Variants in SRPK2 observed in about 807,000 individuals in gnomAD.
SRPK2 encodes the protein SFRS protein kinase 2.
Under a neutral mutation model 90.8 loss-of-function variants are expected in SRPK2, and 21 were observed. That is an observed-to-expected ratio of 0.23 (90% CI 0.16 to 0.33). SRPK2 has a LOEUF of 0.33. Ranked by LOEUF, SRPK2 falls within the 10% of genes least tolerant of loss-of-function variation. SRPK2 has a pLI of 1.00. For synonymous variants in SRPK2, 288 were observed against 311.1 expected (o/e 0.93, Z 0.78); for missense variants, 620 against 869.0 (o/e 0.71, Z 3.60).
At chr7:105,227,269 T>G (rs982255375) in intron 2 of SRPK2, among the ~76,000 whole-genome samples, 2 of 152,160 alleles carry the variant, frequency 1.3e-5, no homozygotes, top group Non-Finnish European at 2.9e-5. Flanking sequence ...ATCTGTGAGA[T>G]CCTAATGCAT....
intron 2 of SRPK2, among the ~76,000 whole-genome samples, chr7:105,387,273 ATCCTAAACATTACAGTTC>A (rs1821718844): frequency 6.6e-6 from 1 of 152,224 alleles, no homozygotes; most frequent in Admixed American, 6.6e-5. Context: ...CTTATTCAGA[ATCCTAAACATTACAGTTC>A]TCCTTACCAC....
chr7:105,378,048 T>C, intron 2 of SRPK2, among the ~76,000 whole-genome samples: 1 of 152,060 alleles, frequency 6.6e-6, no homozygotes, highest in East Asian at 1.9e-4. Flanking sequence ...TCGTTTGACT[T>C]CCTCAGAGCC....
chr7:105,360,409 C>T (rs183801424), intron 2 of SRPK2, among the ~76,000 whole-genome samples: 221 of 152,268 alleles, frequency 1.5e-3, no homozygotes, highest in African/African-American at 5.0e-3. Context: ...TGAATCTGAT[C>T]CTGTCATTAT....
chr7:105,150,339 C>T (rs368168104), intron 7 of SRPK2, among the ~76,000 whole-genome samples: 4 of 151,966 alleles, frequency 2.6e-5, no homozygotes, highest in African/African-American at 7.3e-5. Flanking sequence ...GCCAACATGG[C>T]GAAACCCTGT....
intron 14 of SRPK2, 68 bp downstream of exon 14, chr7:105,126,925 G>A (rs971996442): frequency 4.1e-6 from 6 of 1,464,392 alleles, no homozygotes; most frequent in Admixed American, 3.5e-5. Flanking sequence ...CAAAAATACA[G>A]TACTCTACAG....
At chr7:105,198,954 G>A (rs1358258049) in intron 3 of SRPK2, among the ~76,000 whole-genome samples, 1 of 152,156 alleles carries the variant, frequency 6.6e-6, no homozygotes, top group Non-Finnish European at 1.5e-5. Flanking sequence ...AACGCGAGTA[G>A]GAACATGGCT....
At chr7:105,337,242 A>G (rs1469015577) in intron 2 of SRPK2, among the ~76,000 whole-genome samples, 1 of 151,996 alleles carries the variant, frequency 6.6e-6, no homozygotes, top group Non-Finnish European at 1.5e-5. Flanking sequence ...CCCCAGTGTG[A>G]TATCTGAAGG....
At chr7:105,163,127 A>G (rs1199442168) in intron 6 of SRPK2, among the ~76,000 whole-genome samples, 2 of 152,246 alleles carry the variant, frequency 1.3e-5, no homozygotes, top group African/African-American at 4.8e-5. Context: ...CAAAAAGTCT[A>G]TGGAAAATGT....
intron 2 of SRPK2, among the ~76,000 whole-genome samples, chr7:105,274,302 C>T (rs1343762482): frequency 1.3e-5 from 2 of 152,152 alleles, no homozygotes; most frequent in Admixed American, 6.5e-5. Flanking sequence ...TGGCTCATGC[C>T]TGTAATCCCA....
intron 7 of SRPK2, among the ~76,000 whole-genome samples, chr7:105,155,121 T>A (rs1474373802): frequency 4.6e-5 from 7 of 151,780 alleles, no homozygotes; most frequent in Non-Finnish European, 5.9e-5. Flanking sequence ...GCTGGAACTA[T>A]ATGTATGTGC....
At chr7:105,394,476 A>G (rs375820728) in intron 1 of SRPK2, among the ~76,000 whole-genome samples, 1 of 152,178 alleles carries the variant, frequency 6.6e-6, no homozygotes, top group East Asian at 1.9e-4. Context: ...GCCTAACATT[A>G]AAACCCATTT....
At chr7:105,202,683 C>T (rs1585158312) in intron 3 of SRPK2, among the ~76,000 whole-genome samples, 1 of 152,162 alleles carries the variant, frequency 6.6e-6, no homozygotes, top group Non-Finnish European at 1.5e-5. Context: ...CTGTGTCTTC[C>T]GTGAAATCAT....
At chr7:105,328,958 A>T (rs1395332499) in intron 2 of SRPK2, among the ~76,000 whole-genome samples, 1 of 151,970 alleles carries the variant, frequency 6.6e-6, no homozygotes, top group Non-Finnish European at 1.5e-5. Context: ...ACGTGGGAGG[A>T]TCACCTGAGG....
chr7:105,247,948 G>A (rs543802851), intron 2 of SRPK2, among the ~76,000 whole-genome samples: 54 of 151,192 alleles, frequency 3.6e-4, no homozygotes, highest in Non-Finnish European at 6.6e-4. Context: ...TCCACCTCCC[G>A]GGTTCAAGCG....
At chr7:105,313,928 T>A (rs947094218) in intron 2 of SRPK2, among the ~76,000 whole-genome samples, 3 of 152,040 alleles carry the variant, frequency 2.0e-5, no homozygotes, top group Admixed American at 2.0e-4. Context: ...CTAATTAATA[T>A]AAAAGGGCAA....
intron 2 of SRPK2, among the ~76,000 whole-genome samples, chr7:105,297,097 C>T (rs1028364920): frequency 1.1e-4 from 16 of 152,170 alleles, no homozygotes; most frequent in African/African-American, 3.4e-4. Context: ...GGACAATACT[C>T]TAGGGAATTG....
At chr7:105,114,887 C>CAACA (rs1318494011), downstream of SRPK2, among the ~76,000 whole-genome samples, 2 of 152,086 alleles carry the variant, frequency 1.3e-5, no homozygotes, top group East Asian at 3.8e-4. Flanking sequence ...TCAATTTGTC[C>CAACA]AACAAAATTC....
At position 105,121,389 on chromosome 7, in the gene SRPK2, G is replaced by A. The variant is rs3054324; in HGVS notation, c.1916-3367C>T. Among the ~76,000 whole-genome samples the A allele has an allele frequency of 5.9e-3, 566 of 96,378 alleles. 16 individuals are homozygous for A. In the East Asian group the frequency reaches 0.072, roughly 12 times the overall value. 63.2% of individuals were successfully genotyped at this position (96,378 alleles called of 152,430 possible). A position where few individuals can be genotyped will look rare whatever the true frequency, so the allele number is the denominator to read the frequency against. ...ATATATGAAGACGTAAAAAAAAAAA[G>A]AGAGAAAAGAAAATATATGAAGATG... On this transcript the variant is annotated intron_variant, in intron 15 of 15. Coordinates refer to ENST00000393651, the MANE Select transcript of SRPK2 (RefSeq NM_182692.3).
intron 2 of SRPK2, among the ~76,000 whole-genome samples, chr7:105,258,687 C>T (rs1273113487): frequency 6.6e-6 from 1 of 152,142 alleles, no homozygotes; most frequent in East Asian, 1.9e-4. Context: ...TTATCCACCA[C>T]AATCAACTTG....
Sources: allele counts gnomAD v4.1 joint callset (sites outside exome capture counted in the v4.1 genomes callset), GRCh38; gene constraint gnomAD v4.1.1; transcripts MANE v1.5; gene names NCBI Gene and HGNC (gene_info 2026-07-23, HGNC 2026-07-21).